Variants in GSG1L observed in about 807,000 individuals in gnomAD.
GSG1L encodes the protein germ cell-specific gene 1-like protein.
A neutral mutation model predicts 42.1 loss-of-function variants in GSG1L; 24 were observed. The ratio of observed to expected loss-of-function variants is 0.57; its 90% confidence interval spans 0.41 to 0.80. The LOEUF is 0.80. Among genes scored for constraint, GSG1L ranks in the 30% least tolerant of loss-of-function variants. The pLI, the probability that GSG1L is intolerant of heterozygous loss-of-function variation, is 0.00. For synonymous variants in GSG1L, 215 were observed against 203.5 expected, an observed-to-expected ratio of 1.06 and a Z score of -0.48; for missense variants, 445 against 472.2, an observed-to-expected ratio of 0.94 and a Z score of 0.53.
intron 1 of GSG1L, among the ~76,000 whole-genome samples, chr16:28,057,434 G>C (rs2086292256): frequency 6.6e-6 from 1 of 152,072 alleles, no homozygotes; most frequent in Admixed American, 6.5e-5. Flanking sequence ...ACTGGTTGGT[G>C]GGGGGGCACC....
chr16:27,990,635 T>C (rs2141134533), intron 1 of GSG1L, among the ~76,000 whole-genome samples: 1 of 152,328 alleles, frequency 6.6e-6, no homozygotes, highest in Middle Eastern at 3.4e-3. Context: ...CTCAAGATAT[T>C]TTGGGACCTC....
At chr16:27,796,356 TC>T (rs1427164001) in intron 6 of GSG1L, among the ~76,000 whole-genome samples, 1 of 146,896 alleles carries the variant, frequency 6.8e-6, no homozygotes, top group Non-Finnish European at 1.5e-5. Flanking sequence ...TGGAAACCTG[TC>T]AGCTAGTGAC....
chr16:27,809,626 G>A (rs754667351), intron 5 of GSG1L, among the ~76,000 whole-genome samples: 2 of 151,700 alleles, frequency 1.3e-5, no homozygotes, highest in Non-Finnish European at 2.9e-5. Context: ...GCACACAGTG[G>A]GTGCTCCAAT....
rs560757018 is a variant in GSG1L at position 27,946,687 on chromosome 16, A to G, written c.397+16469T>C. On this transcript the variant is annotated intron_variant, in intron 2 of 6. Coordinates refer to ENST00000447459, the MANE Select transcript of GSG1L (RefSeq NM_001109763.2). ...AAGAAAGAAAGAAAGAAAGAAAGAA[A>G]GAAAGAATTAAATGAAGCAAGGGGT... is the stretch of plus-strand genomic sequence containing the variant. 6.2e-3 allele frequency among the ~76,000 whole-genome samples: 923 copies of G among 147,806 alleles called. 17 individuals carry two copies. Among genetic ancestry groups the G allele is most frequent in the Middle Eastern group, 0.017 (5 of 286 alleles).
At chr16:27,830,633 C>T (rs560729661) in intron 4 of GSG1L, among the ~76,000 whole-genome samples, 12 of 152,312 alleles carry the variant, frequency 7.9e-5, no homozygotes, top group African/African-American at 2.9e-4. Context: ...CCTCTAAGAG[C>T]TTCCCTGTCC....
intron 3 of GSG1L, among the ~76,000 whole-genome samples, chr16:27,858,821 G>T (rs1259091874): frequency 6.6e-6 from 1 of 152,210 alleles, no homozygotes; most frequent in Non-Finnish European, 1.5e-5. Context: ...ACCTTTTGAA[G>T]TTCACAGTTT....
In GSG1L at chr16:27,810,319, T is replaced by C. The variant is rs79110695; in HGVS notation, c.831-2765A>G. 5.5e-3 allele frequency among the ~76,000 whole-genome samples: 834 copies of C among 151,916 alleles called. 11 individuals are homozygous for C. The highest frequency in any genetic ancestry group is 0.018 in the African/African-American group (755 of 41,442). The stretch of plus-strand genomic sequence containing the variant: ...CATGGTGAAATCCCGTCTCTACAAA[T>C]ACTAGCTGGGTGTGGTGATGTGTTC... On this transcript the variant is annotated intron_variant, in intron 5 of 6. Transcript: ENST00000447459.
chr16:27,917,262 G>A (rs898364634), intron 2 of GSG1L, among the ~76,000 whole-genome samples: 34 of 152,076 alleles, frequency 2.2e-4, no homozygotes, highest in African/African-American at 8.0e-4. Flanking sequence ...GGGAGGATTT[G>A]AAGATGAACC....
chr16:27,980,548 T>G (rs1010378999), intron 1 of GSG1L, among the ~76,000 whole-genome samples: 1 of 152,178 alleles, frequency 6.6e-6, no homozygotes, highest in African/African-American at 2.4e-5. Context: ...CACGACAGCC[T>G]ATGAGGCAGC....
chr16:27,841,138 G>A (rs1199875599), intron 4 of GSG1L, among the ~76,000 whole-genome samples: 4 of 152,200 alleles, frequency 2.6e-5, no homozygotes, highest in Non-Finnish European at 5.9e-5. Context: ...CCCATGAGGC[G>A]GAAATTCGGG....
intron 2 of GSG1L, among the ~76,000 whole-genome samples, chr16:27,910,426 C>T (rs190471704): frequency 5.3e-5 from 8 of 152,302 alleles, no homozygotes; most frequent in African/African-American, 1.9e-4. Flanking sequence ...TCACAAAAAC[C>T]TCTGTGAGGT....
At chr16:27,938,150 C>T (rs1044516263) in intron 2 of GSG1L, among the ~76,000 whole-genome samples, 2 of 151,996 alleles carry the variant, frequency 1.3e-5, no homozygotes, top group African/African-American at 2.4e-5. Context: ...GGGCTGTGGT[C>T]AGTTTCATTA....
chr16:27,993,208 G>A (rs2085474315), intron 1 of GSG1L, among the ~76,000 whole-genome samples: 1 of 152,054 alleles, frequency 6.6e-6, no homozygotes, highest in Non-Finnish European at 1.5e-5. Flanking sequence ...GAGTGCAGTG[G>A]TGCAATCTTG....
chr16:28,028,504 A>G (rs1386542598), intron 1 of GSG1L, among the ~76,000 whole-genome samples: 1 of 151,904 alleles, frequency 6.6e-6, no homozygotes, highest in Non-Finnish European at 1.5e-5. Context: ...CACAGTAACA[A>G]TATAACAATA....
At position 27,790,111 on chromosome 16, in the gene GSG1L, A is replaced by T. The variant is rs960209598; in HGVS notation, c.*1259T>A. The stretch of plus-strand genomic sequence containing the variant: ...GATGGAAGGATGGATGAATGAATGA[A>T]TGATGGATGGATGAGTGGAAAGATG... On this transcript the variant is annotated 3_prime_UTR_variant, in exon 7 of 7. Transcript: ENST00000447459. 3 of 151,146 alleles carry T rather than the reference A, an allele frequency of 2.0e-5. No individual in the cohort carries two copies. The highest frequency in any genetic ancestry group is 4.4e-5 in the Non-Finnish European group (3 of 67,724). The allele number at this position is 151,146 out of a possible 1,614,324, so 9.4% of individuals were successfully genotyped here.
intron 2 of GSG1L, among the ~76,000 whole-genome samples, chr16:27,920,194 G>A (rs1445747595): frequency 1.3e-5 from 2 of 151,920 alleles, no homozygotes; most frequent in African/African-American, 4.8e-5. Flanking sequence ...TTTGGACTTT[G>A]TTGTGCACGA....
chr16:27,952,855 A>G (rs548042940), intron 2 of GSG1L, among the ~76,000 whole-genome samples: 2 of 152,342 alleles, frequency 1.3e-5, no homozygotes, highest in Non-Finnish European at 2.9e-5. Context: ...AACTGAACAT[A>G]TACACATAAT....
chr16:28,041,317 G>A (rs1056028142), intron 1 of GSG1L, among the ~76,000 whole-genome samples: 2 of 152,000 alleles, frequency 1.3e-5, no homozygotes, highest in African/African-American at 4.8e-5. Context: ...TGGGTGTGTT[G>A]GTGCATGCCT....
At chr16:27,806,980 T>A (rs1567462483) in intron 6 of GSG1L, among the ~76,000 whole-genome samples, 3 of 152,192 alleles carry the variant, frequency 2.0e-5, no homozygotes, top group Admixed American at 1.3e-4. Flanking sequence ...TTAACTTTAA[T>A]CTTACTTTGG....
Sources: allele counts gnomAD v4.1 joint callset (sites outside exome capture counted in the v4.1 genomes callset), GRCh38; gene constraint gnomAD v4.1.1; transcripts MANE v1.5; gene names NCBI Gene and HGNC (gene_info 2026-07-23, HGNC 2026-07-21).